The following ANXA4 variants were observed in gnomAD, a reference collection of about 807,000 sequenced individuals.
ANXA4 encodes the protein 35-beta calcimedin.
In ANXA4, 39 loss-of-function variants were observed where a neutral mutation model predicts 49.8. The observed-to-expected ratio is 0.78, with a 90% CI of 0.61 to 1.02. The LOEUF (loss-of-function observed/expected upper bound fraction) is 1.02. ANXA4 is among the 50% of genes least tolerant of loss of function. The pLI is 0.00. For synonymous variants in ANXA4, 134 were observed against 152.5 expected, an observed-to-expected ratio of 0.88 and a Z score of 0.89; for missense variants, 360 against 410.1, an observed-to-expected ratio of 0.88 and a Z score of 1.05.
chr2:69,791,960 C>T (rs1376365034), intron 3 of ANXA4, among the ~76,000 whole-genome samples: 1 of 152,186 alleles, frequency 6.6e-6, no homozygotes, highest in Non-Finnish European at 1.5e-5. Flanking sequence ...ACATCCCATA[C>T]AGTTTTGGAA....
In ANXA4 at chr2:69,708,051, C is replaced by A. The variant is rs577504855; in HGVS notation, n.767-12723C>A. 3.9e-5 allele frequency among the ~76,000 whole-genome samples: 6 copies of A among 152,360 alleles called. No individual in the cohort carries two copies. The South Asian group carries it at 1.2e-3, about 32-fold the overall frequency. On this transcript the variant is annotated intron_variant and non_coding_transcript_variant, in intron 2 of 3. Coordinates refer to the ANXA4 transcript ENST00000418066. ...CAGTATTTTGCAGCAGAGTGCCCAA[C>A]ATAGAACATAATCGCAAATATTCCA...
exon 1 of ANXA4, chr2:69,644,467 G>A (rs1339638413): frequency 1.3e-5 from 2 of 152,234 alleles, no homozygotes; most frequent in Admixed American, 6.5e-5. Flanking sequence ...CTCAAAAGCT[G>A]CTTTTGCGTC....
rs2103921835 is a variant in ANXA4 at position 69,826,165 on chromosome 2, A to T, written c.*650A>T. ...CTGAACTAAATTCTAAAGTATGGTT[A>T]TACAAACCATATACATCTGGTTACC... On this transcript the variant is annotated 3_prime_UTR_variant, in exon 13 of 13. Coordinates refer to ENST00000394295, the MANE Select transcript of ANXA4 (RefSeq NM_001153.5). The T allele has an allele frequency of 6.5e-6, 1 of 152,808 alleles. No individual in the cohort carries two copies. The highest frequency in any genetic ancestry group is 1.9e-4 in the East Asian group (1 of 5,194). The allele number at this position is 152,808 out of a possible 1,614,324, so 9.5% of individuals were successfully genotyped here.
rs72839803 is a variant in ANXA4 at position 69,711,454 on chromosome 2, C to G, written n.767-9320C>G. 5.6e-3 allele frequency among the ~76,000 whole-genome samples: 858 copies of G among 152,206 alleles called. 4 individuals are homozygous for G. The highest frequency in any genetic ancestry group is 9.1e-3 in the Non-Finnish European group (617 of 68,008). The stretch of plus-strand genomic sequence containing the variant: ...ACAGAAACCAGGCATCAAAGACTAC[C>G]CACTGTATAAATCCATTTATATGAT... On this transcript the variant is annotated intron_variant and non_coding_transcript_variant, in intron 2 of 3. Coordinates refer to the ANXA4 transcript ENST00000418066.
At chr2:69,787,998 G>A (rs1672486827) in intron 2 of ANXA4, 56 bp from the exon 3 acceptor site, 2 of 1,442,296 alleles carry the variant, frequency 1.4e-6, no homozygotes, top group Non-Finnish European at 2.0e-6. Flanking sequence ...CGAATGAGAT[G>A]CCTCCGTGTT....
At chr2:69,695,469 G>T (rs912016376) in intron 2 of ANXA4, among the ~76,000 whole-genome samples, 1 of 152,270 alleles carries the variant, frequency 6.6e-6, no homozygotes, top group East Asian at 1.9e-4. Flanking sequence ...GGAGAAAAAA[G>T]AAGTTGTGGA....
At chr2:69,802,906 T>C (rs1673276909) in intron 3 of ANXA4, among the ~76,000 whole-genome samples, 1 of 151,194 alleles carries the variant, frequency 6.6e-6, no homozygotes, top group African/African-American at 2.4e-5. Context: ...TTTTTAAAAA[T>C]AGGAACACGG....
chr2:69,708,480 G>A (rs114691343), intron 2 of ANXA4, among the ~76,000 whole-genome samples: 1,701 of 152,086 alleles, frequency 0.011, 36 homozygotes, highest in African/African-American at 0.039. Context: ...CTGTGATCCC[G>A]GCTACTCGGG....
At chr2:69,675,561 G>C (rs1356277777) in intron 2 of ANXA4, among the ~76,000 whole-genome samples, 2 of 152,166 alleles carry the variant, frequency 1.3e-5, no homozygotes, top group Non-Finnish European at 2.9e-5. Context: ...GAAAAGACTT[G>C]TTTAGAGCCT....
At chr2:69,672,844 A>G (rs980034818) in intron 2 of ANXA4, among the ~76,000 whole-genome samples, 1 of 152,156 alleles carries the variant, frequency 6.6e-6, no homozygotes, top group South Asian at 2.1e-4. Context: ...TGACGCTGGT[A>G]GTGGCTTTAT....
intron 2 of ANXA4, among the ~76,000 whole-genome samples, chr2:69,656,266 T>TAC (rs1455756338): frequency 7.4e-6 from 1 of 134,976 alleles, no homozygotes; most frequent in Admixed American, 9.3e-5. Context: ...TACGTATATA[T>TAC]ATGTATATAC....
At chr2:69,704,468 C>T (rs529534739) in intron 2 of ANXA4, among the ~76,000 whole-genome samples, 1 of 152,282 alleles carries the variant, frequency 6.6e-6, no homozygotes, top group African/African-American at 2.4e-5. Context: ...TGGGCCAACT[C>T]GGTTTATTTC....
chr2:69,683,830 G>A (rs762326160), intron 2 of ANXA4, among the ~76,000 whole-genome samples: 8 of 152,210 alleles, frequency 5.3e-5, no homozygotes, highest in Non-Finnish European at 1.0e-4. Flanking sequence ...TGCACAGCTG[G>A]TTATGGCAGA....
intron 3 of ANXA4, among the ~76,000 whole-genome samples, chr2:69,731,980 C>CTTTTTTT (rs11425067): frequency 5.0e-5 from 6 of 120,130 alleles, no homozygotes; most frequent in East Asian, 2.4e-4. Context: ...TCTTTTCTTT[C>CTTTTTTT]TTTTTTTTTT....
At chr2:69,710,250 A>G (rs113689976) in intron 2 of ANXA4, among the ~76,000 whole-genome samples, 1 of 152,136 alleles carries the variant, frequency 6.6e-6, no homozygotes, top group African/African-American at 2.4e-5. Context: ...CTCCCAAAGT[A>G]CTGGGATTAC....
chr2:69,767,879 G>A (rs1671555178), intron 1 of ANXA4, among the ~76,000 whole-genome samples: 1 of 152,000 alleles, frequency 6.6e-6, no homozygotes, highest in South Asian at 2.1e-4. Context: ...CTCTAGAATT[G>A]TCATCTGCCT....
At chr2:69,771,162 C>T (rs1366216609) in intron 1 of ANXA4, among the ~76,000 whole-genome samples, 1 of 149,668 alleles carries the variant, frequency 6.7e-6, no homozygotes, top group Non-Finnish European at 1.5e-5. Context: ...AATCCTCATG[C>T]TCCAATATTT....
At chr2:69,804,714 C>G in intron 4 of ANXA4, 87 bp downstream of exon 4, 1 of 1,154,240 alleles carries the variant, frequency 8.7e-7, no homozygotes, top group South Asian at 1.4e-5. Context: ...CCCGAAGTGA[C>G]CTTGTGTTTT....
At chr2:69,791,058 T>C (rs1672672399) in intron 3 of ANXA4, among the ~76,000 whole-genome samples, 1 of 152,218 alleles carries the variant, frequency 6.6e-6, no homozygotes, top group African/African-American at 2.4e-5. Flanking sequence ...TGGAACCTTG[T>C]TCCATGAGGA....
Sources: allele counts gnomAD v4.1 joint callset (sites outside exome capture counted in the v4.1 genomes callset), GRCh38; gene constraint gnomAD v4.1.1; transcripts MANE v1.5; gene names NCBI Gene and HGNC (gene_info 2026-07-23, HGNC 2026-07-21).